The following CAMK4 variants were observed in gnomAD, a reference collection of about 807,000 sequenced individuals.
CAMK4 encodes calcium/calmodulin-dependent protein kinase type IV.
In CAMK4, 22 loss-of-function variants were observed where a neutral mutation model predicts 44.9. The observed-to-expected ratio is 0.49, with a 90% CI of 0.35 to 0.70. CAMK4 has a LOEUF of 0.70. Among genes scored for constraint, CAMK4 ranks in the 30% least tolerant of loss-of-function variants. The pLI is 0.01. For synonymous variants in CAMK4, 218 were observed against 215.4 expected, an observed-to-expected ratio of 1.01 and a Z score of -0.11; for missense variants, 498 against 586.8, an observed-to-expected ratio of 0.85 and a Z score of 1.56.
At chr5:111,459,541 A>T (rs1754559380) in intron 7 of CAMK4, among the ~76,000 whole-genome samples, 1 of 152,222 alleles carries the variant, frequency 6.6e-6, no homozygotes. Flanking sequence ...ATGTAAACTA[A>T]GTTGAGGATT....
intron 6 of CAMK4, among the ~76,000 whole-genome samples, chr5:111,447,900 T>C (rs1489952451): frequency 6.6e-6 from 1 of 152,252 alleles, no homozygotes; most frequent in African/African-American, 2.4e-5. Flanking sequence ...GCAGGCAGTT[T>C]CCATTTCCTT....
At chr5:111,275,274 T>G (rs1298004463) in intron 1 of CAMK4, among the ~76,000 whole-genome samples, 1 of 152,096 alleles carries the variant, frequency 6.6e-6, no homozygotes, top group Non-Finnish European at 1.5e-5. Context: ...CAGCATGCTA[T>G]GAGTTATATT....
intron 8 of CAMK4, among the ~76,000 whole-genome samples, chr5:111,476,272 T>TGTG (rs1491338442): frequency 8.0e-5 from 10 of 124,370 alleles, no homozygotes; most frequent in African/African-American, 4.1e-4. Context: ...TGTGTGTGTT[T>TGTG]GTGTGTGTGT....
chr5:111,285,454 C>T (rs1393016584), intron 1 of CAMK4, among the ~76,000 whole-genome samples: 5 of 152,146 alleles, frequency 3.3e-5, no homozygotes, highest in Non-Finnish European at 7.4e-5. Flanking sequence ...AGGATGATAC[C>T]TATTAGCTTT....
At position 111,486,489 on chromosome 5, in the gene CAMK4, C is replaced by T. The variant is rs1230268775; in HGVS notation, c.*2023C>T. 8.4e-6 allele frequency: 1 copy of T among 118,414 alleles called. No homozygotes were observed. The highest frequency in any genetic ancestry group is 3.0e-5 in the African/African-American group (1 of 32,814). 7.3% of individuals were successfully genotyped at this position (118,414 alleles called of 1,614,324 possible). On this transcript the variant is annotated 3_prime_UTR_variant, in exon 11 of 11. Coordinates refer to ENST00000282356, the MANE Select transcript of CAMK4 (RefSeq NM_001744.6). ...ATCAATTTCCTGTTGTACTTTTTAC[C>T]ATGAGACTGAAACACACACACACAC...
intron 1 of CAMK4, among the ~76,000 whole-genome samples, chr5:111,328,807 CTGTT>C (rs1031925557): frequency 2.6e-5 from 4 of 151,950 alleles, no homozygotes; most frequent in African/African-American, 9.7e-5. Context: ...ATTTGGCTCT[CTGTT>C]TGTCTGTTAT....
chr5:111,233,364 G>T (rs1580456672), intron 1 of CAMK4, among the ~76,000 whole-genome samples: 1 of 152,138 alleles, frequency 6.6e-6, no homozygotes, highest in African/African-American at 2.4e-5. Flanking sequence ...TACAGTTACA[G>T]TTCTTACCAA....
intron 2 of CAMK4, among the ~76,000 whole-genome samples, chr5:111,369,954 C>G (rs1236314418): frequency 6.6e-6 from 1 of 151,848 alleles, no homozygotes; most frequent in Non-Finnish European, 1.5e-5. Context: ...TAGAAGATGC[C>G]GAACCCACAG....
At chr5:111,291,907 T>G (rs1382490955) in intron 1 of CAMK4, among the ~76,000 whole-genome samples, 2 of 152,148 alleles carry the variant, frequency 1.3e-5, no homozygotes, top group Non-Finnish European at 2.9e-5. Context: ...ATATCTTAGG[T>G]TTTTCTTGAC....
chr5:111,418,955 C>T (rs1303995453), intron 5 of CAMK4, among the ~76,000 whole-genome samples: 2 of 152,064 alleles, frequency 1.3e-5, no homozygotes, highest in South Asian at 2.1e-4. Flanking sequence ...TGGGTATATA[C>T]CCAGTAATGG....
chr5:111,398,201 A>T (rs59969043), intron 5 of CAMK4, among the ~76,000 whole-genome samples: 2,215 of 152,256 alleles, frequency 0.015, 47 homozygotes, highest in African/African-American at 0.051. Flanking sequence ...TAAAGTAAAA[A>T]CCTAAATCTG....
At chr5:111,373,366 C>G (rs1037530057) in intron 2 of CAMK4, among the ~76,000 whole-genome samples, 1 of 152,026 alleles carries the variant, frequency 6.6e-6, no homozygotes, top group Non-Finnish European at 1.5e-5. Context: ...TGCGTGCTTT[C>G]TTTAAATGAG....
chr5:111,350,812 A>G (rs139667419), intron 2 of CAMK4, among the ~76,000 whole-genome samples: 12 of 152,222 alleles, frequency 7.9e-5, no homozygotes, highest in African/African-American at 2.2e-4. Flanking sequence ...AGAAGCACAC[A>G]TTGTGATTTG....
intron 1 of CAMK4, among the ~76,000 whole-genome samples, chr5:111,295,253 A>G (rs1747435037): frequency 6.6e-6 from 1 of 152,244 alleles, no homozygotes; most frequent in East Asian, 1.9e-4. Flanking sequence ...AGATGGTTAC[A>G]GTAGGGAGTC....
chr5:111,369,902 G>A (rs1447314361), intron 2 of CAMK4, among the ~76,000 whole-genome samples: 2 of 151,872 alleles, frequency 1.3e-5, no homozygotes, highest in African/African-American at 2.4e-5. Flanking sequence ...TATTGTTGTT[G>A]GGATTTACTT....
intron 5 of CAMK4, among the ~76,000 whole-genome samples, chr5:111,425,085 T>C (rs3776938): frequency 0.6 from 90,481 of 150,636 alleles, 27,259 homozygotes; most frequent in Middle Eastern, 0.73. Flanking sequence ...ATGGCTTGAA[T>C]TCAGGAGGTG....
At chr5:111,422,932 A>G (rs1423022139) in intron 5 of CAMK4, among the ~76,000 whole-genome samples, 1 of 152,160 alleles carries the variant, frequency 6.6e-6, no homozygotes, top group Non-Finnish European at 1.5e-5. Context: ...ACTAGGAATG[A>G]TGATTTATTC....
At chr5:111,345,406 A>C (rs1237378682) in intron 2 of CAMK4, among the ~76,000 whole-genome samples, 1 of 151,936 alleles carries the variant, frequency 6.6e-6, no homozygotes, top group Non-Finnish European at 1.5e-5. Flanking sequence ...AGTTTCTTAC[A>C]GTCATAAAAT....
intron 1 of CAMK4, among the ~76,000 whole-genome samples, chr5:111,275,837 CCT>C (rs942152596): frequency 6.6e-5 from 10 of 151,982 alleles, no homozygotes; most frequent in Non-Finnish European, 1.0e-4. Flanking sequence ...TCCCAATTAC[CCT>C]GACTTCATCA....
Sources: gnomAD v4.1 joint callset for allele counts (sites outside exome capture counted in the v4.1 genomes callset) on GRCh38, gnomAD v4.1.1 for gene constraint, MANE v1.5 for transcripts, NCBI Gene and HGNC (gene_info 2026-07-23, HGNC 2026-07-21) for gene names.